The following CRYBG3 variants were observed in gnomAD, a reference collection of about 807,000 sequenced individuals.
CRYBG3 encodes the protein very large A-kinase anchor protein.
Under a neutral mutation model 244.2 loss-of-function variants are expected in CRYBG3, and 127 were observed. The ratio of observed to expected loss-of-function variants is 0.52; its 90% CI spans 0.45 to 0.60. The LOEUF is 0.60. Among genes scored for constraint, CRYBG3 ranks in the 20% least tolerant of loss-of-function variants. The pLI, the probability that CRYBG3 is intolerant of heterozygous loss-of-function variation, is 0.00. For synonymous variants in CRYBG3, 1,132 were observed against 1,195.8 expected, an observed-to-expected ratio of 0.95 and a Z score of 1.10; for missense variants, 3,325 against 3,442.5, an observed-to-expected ratio of 0.97 and a Z score of 0.85.
intron 1 of CRYBG3, chr3:97,836,921 T>C (rs1458329019): frequency 1.3e-5 from 2 of 152,206 alleles, no homozygotes; most frequent in African/African-American, 4.8e-5. Flanking sequence ...CTGTTTTTTT[T>C]CCCACTCATT....
At position 97,873,882 on chromosome 3, in the gene CRYBG3, G is replaced by A. The variant is rs1039887260; in HGVS notation, c.2688G>A (p.Glu896=). 1.4e-5 allele frequency: 22 copies of A among 1,535,800 alleles called. No individual in the cohort carries two copies. Among genetic ancestry groups the A allele is most frequent in the Non-Finnish European group, 1.9e-5 (22 of 1,146,816 alleles). Residue 896 remains glutamate, a synonymous_variant, in exon 4 of 22, where the codon GAG becomes GAA. Transcript: ENST00000389622. ...CAATTAATCATAATGAGATAGGAGA[G>A]AAATGTTCAGATGCTGGCCTTAAAG... The part of the protein sequence containing the change: ...FQSINHNEIG[E]KCSDAGLKEN...
chr3:97,854,076 T>C (rs1576522588), intron 2 of CRYBG3, among the ~76,000 whole-genome samples: 1 of 152,306 alleles, frequency 6.6e-6, no homozygotes, highest in African/African-American at 2.4e-5. Context: ...ATTTGTTGAA[T>C]AGGCTGTCCT....
chr3:97,822,780 TGGG>T (rs765161781), intron 1 of CRYBG3, among the ~76,000 whole-genome samples: 8 of 152,144 alleles, frequency 5.3e-5, no homozygotes, highest in Non-Finnish European at 1.0e-4. Flanking sequence ...CCAGGGGAAT[TGGG>T]GGCGCGATCC....
At position 97,881,162 on chromosome 3, in the gene CRYBG3, G is replaced by C; in HGVS notation, c.7095G>C (p.Gln2365His). ...TGTTAAATCGTGACTGGATTCTTCA[G>C]AACAGAAGGCATCCACAAAGAAACT... ...EKVLNRDWIL[Q>H]NRRHPQRNFI... Residue 2365 changes from glutamine to histidine, a missense_variant, in exon 7 of 22, where the codon CAG (glutamine) becomes CAC (histidine). Coordinates refer to ENST00000389622, the MANE Select transcript of CRYBG3 (RefSeq NM_153605.4). The C allele has an allele frequency of 6.2e-7, 1 of 1,611,842 alleles. No homozygotes were observed. The highest frequency in any genetic ancestry group is 2.2e-5 in the East Asian group (1 of 44,720).
intron 1 of CRYBG3, among the ~76,000 whole-genome samples, chr3:97,826,107 C>A (rs2038573132): frequency 6.6e-6 from 1 of 152,120 alleles, no homozygotes; most frequent in African/African-American, 2.4e-5. Flanking sequence ...AATCTTGTCC[C>A]CCTCTGCTCC....
intron 17 of CRYBG3, 144 bp from the exon 18 acceptor site, chr3:97,933,550 T>G (rs752975929): frequency 7.1e-6 from 6 of 845,830 alleles, no homozygotes; most frequent in Non-Finnish European, 1.2e-5. Context: ...TCCAGTGCAG[T>G]TTTGACTATA....
Position 97,874,681 on chromosome 3 carries a change from T to A in CRYBG3, c.3487T>A (p.Ser1163Thr). 1.3e-6 allele frequency: 2 copies of A among 1,535,892 alleles called. No individual in the cohort carries two copies. The highest frequency in any genetic ancestry group is 1.7e-6 in the Non-Finnish European group (2 of 1,146,794). ...ETGAVAGPAA[S>T]VNSSGQQCSE... ...TGGAGCAGTTGCTGGGCCTGCAGCG[T>A]CAGTTAACAGCTCAGGCCAACAGTG... Residue 1163 changes from serine to threonine, a missense_variant, in exon 4 of 22, where the codon TCA becomes ACA. By Grantham distance (58) the Ser-to-Thr change is moderately conservative. Coordinates refer to ENST00000389622, the MANE Select transcript of CRYBG3 (RefSeq NM_153605.4).
chr3:97,822,424 C>T, intron 1 of CRYBG3, 69 bp downstream of exon 1: 2 of 1,345,128 alleles, frequency 1.5e-6, no homozygotes, highest in Non-Finnish European at 1.9e-6. Context: ...CCCGGCCTGA[C>T]CGCCGGCAGC....
chr3:97,857,602 A>G (rs1271630008), intron 2 of CRYBG3, among the ~76,000 whole-genome samples: 1 of 151,984 alleles, frequency 6.6e-6, no homozygotes, highest in African/African-American at 2.4e-5. Context: ...TCCTTATATA[A>G]TGGCCTTCTT....
intron 10 of CRYBG3, among the ~76,000 whole-genome samples, chr3:97,891,382 C>G (rs893628152): frequency 1.1e-4 from 17 of 152,052 alleles, no homozygotes; most frequent in South Asian, 6.2e-4. Context: ...ATTAAATAAG[C>G]TATTTTATCC....
At chr3:97,927,221 C>A (rs921087159) in intron 17 of CRYBG3, among the ~76,000 whole-genome samples, 2 of 151,862 alleles carry the variant, frequency 1.3e-5, no homozygotes, top group African/African-American at 2.4e-5. Context: ...AAAACAGACA[C>A]AGAGGCCAAT....
chr3:97,873,264 T>G lies in CRYBG3; in HGVS notation c.2070T>G (p.Ile690Met). The change falls in exon 4 of 22, where the codon ATT becomes ATG. Residue 690 changes from isoleucine (I) to methionine (M), a missense_variant. Around this residue, in one of 4 missense-constraint regions of CRYBG3, gnomAD observed 1,526 missense variants for 1,443.2 expected, o/e 1.06. Coordinates refer to ENST00000389622, the MANE Select transcript of CRYBG3 (RefSeq NM_153605.4). ...PVPIETGNVN[I>M]VGISYQPRKC... ...CCATTGAAACTGGGAATGTCAACAT[T>G]GTTGGTATTTCCTATCAGCCTAGGA... The G allele has an allele frequency of 6.5e-7, 1 of 1,535,242 alleles. No homozygotes were observed. Among genetic ancestry groups the G allele is most frequent in the Non-Finnish European group, 8.7e-7 (1 of 1,146,590 alleles).
chr3:97,866,341 C>A (rs2039231333), intron 3 of CRYBG3, among the ~76,000 whole-genome samples: 1 of 152,164 alleles, frequency 6.6e-6, no homozygotes, highest in South Asian at 2.1e-4. Flanking sequence ...ATTATAGGAA[C>A]ATATATTTGG....
rs2039350936 is a variant in CRYBG3 at position 97,874,796 on chromosome 3, A to C, written c.3602A>C (p.Asp1201Ala). 6.5e-7 allele frequency: 1 copy of C among 1,536,074 alleles called. No individual in the cohort carries two copies. Among genetic ancestry groups the C allele is most frequent in the Non-Finnish European group, 8.7e-7 (1 of 1,146,882 alleles). The change falls in exon 4 of 22, where the codon GAT becomes GCT. Residue 1201 changes from aspartate (D) to alanine (A), a missense_variant. Transcript: ENST00000389622. ...DLKSSLLKKA[D>A]TLIGEIFNSV... ...AAAAGTAGTTTACTCAAAAAGGCCG[A>C]TACATTGATTGGTGAGATTTTTAAT... is the stretch of plus-strand genomic sequence containing the variant.
chr3:97,852,103 T>C (rs1163365611), intron 2 of CRYBG3, among the ~76,000 whole-genome samples: 1 of 152,160 alleles, frequency 6.6e-6, no homozygotes. Flanking sequence ...GTTGGTAGTT[T>C]AGGAGTCTGA....
At chr3:97,862,707 G>C (rs916739933) in intron 2 of CRYBG3, among the ~76,000 whole-genome samples, 4 of 152,162 alleles carry the variant, frequency 2.6e-5, no homozygotes, top group Non-Finnish European at 5.9e-5. Flanking sequence ...GGTTGGACGG[G>C]TGAGGTGGAG....
Position 97,941,136 on chromosome 3 carries a change from C to G in CRYBG3, c.8506-12C>G, listed in dbSNP as rs772364829. The G allele has an allele frequency of 6.3e-7, 1 of 1,583,766 alleles. No individual in the cohort carries two copies. Among genetic ancestry groups the G allele is most frequent in the African/African-American group, 1.4e-5 (1 of 73,510 alleles). The stretch of plus-strand genomic sequence containing the variant: ...AAAGTTTATTTCTAAATGGCTGTTT[C>G]TCCTGTCATAGCCTGCAGTGTACAT... On this transcript the variant is annotated splice_polypyrimidine_tract_variant and intron_variant, in intron 19 of 21. Transcript: ENST00000389622.
Position 97,877,923 on chromosome 3 carries a change from T to C in CRYBG3, c.6729T>C (p.Thr2243=). The C allele has an allele frequency of 6.2e-7, 1 of 1,614,074 alleles. No homozygotes were observed. Among genetic ancestry groups the C allele is most frequent in the South Asian group, 1.1e-5 (1 of 91,074 alleles). ...LKSAYHQYLQ[T]SQSHSSEKGA... is the part of the protein sequence containing the mutation. ...GTGCTTATCATCAGTATCTGCAGAC[T>C]TCCCAAAGTCATTCCTCAGAAAAAG... Residue 2243 remains threonine (T), a synonymous_variant, in exon 4 of 22, where the codon ACT becomes ACC. Transcript: ENST00000389622.
intron 15 of CRYBG3, among the ~76,000 whole-genome samples, chr3:97,904,735 TC>T (rs1187318627): frequency 7.3e-5 from 11 of 151,048 alleles, no homozygotes; most frequent in African/African-American, 2.4e-4. Context: ...TTTTTTATAA[TC>T]TTTTTTTTAT....
Sources: gnomAD v4.1 joint callset for allele counts (sites outside exome capture counted in the v4.1 genomes callset) on GRCh38, gnomAD v4.1.1 for gene constraint, gnomAD v4.1.1 regional missense constraint, MANE v1.5 for transcripts, NCBI Gene and HGNC (gene_info 2026-07-23, HGNC 2026-07-21) for gene names.